TBC1D31: variants seen among roughly 807,000 people sequenced by gnomAD.
The protein encoded by TBC1D31 is WD repeat domain 67.
Under a neutral mutation model 132.9 loss-of-function variants are expected in TBC1D31, and 99 were observed. The observed-to-expected ratio is 0.74, with a 90% CI of 0.63 to 0.88. The LOEUF (loss-of-function observed/expected upper bound fraction) is 0.88. Ranked by LOEUF, TBC1D31 falls within the 40% of genes least tolerant of loss-of-function variation. TBC1D31 has a pLI of 0.00. For missense variants in TBC1D31, 1,134 were observed against 1,256.6 expected (o/e 0.90, Z 1.48); for synonymous variants, 385 against 419.4 (o/e 0.92, Z 1.00).
chr8:123,096,677 T>G (rs1286648146), intron 5 of TBC1D31, among the ~76,000 whole-genome samples: 2 of 152,258 alleles, frequency 1.3e-5, no homozygotes, highest in African/African-American at 4.8e-5. Context: ...CATACCTGGC[T>G]TATAGCAGAC....
intron 17 of TBC1D31, among the ~76,000 whole-genome samples, chr8:123,139,723 T>C (rs1387548780): frequency 1.3e-5 from 2 of 151,248 alleles, no homozygotes. Flanking sequence ...TCCAGGAACC[T>C]ATCAGCTTTT....
At chr8:123,129,853 G>A (rs1342652142) in intron 15 of TBC1D31, among the ~76,000 whole-genome samples, 1 of 152,168 alleles carries the variant, frequency 6.6e-6, no homozygotes. Context: ...AAGGTAAAAT[G>A]TGTAAATTAA....
At chr8:123,082,578 T>C (rs1815280654) in intron 2 of TBC1D31, 124 bp from the exon 3 acceptor site, 1 of 641,488 alleles carries the variant, frequency 1.6e-6, no homozygotes, top group African/African-American at 1.8e-5. Flanking sequence ...CATAATCTAT[T>C]TTTGGCCTAA....
chr8:123,113,940 G>T (rs559576943), intron 10 of TBC1D31, among the ~76,000 whole-genome samples: 185 of 152,246 alleles, frequency 1.2e-3, no homozygotes, highest in Non-Finnish European at 2.3e-3. Flanking sequence ...ATGGATCAAT[G>T]AATGAGTCTT....
intron 1 of TBC1D31, 107 bp downstream of exon 1, chr8:123,072,953 C>T: frequency 1.7e-6 from 2 of 1,157,554 alleles, no homozygotes; most frequent in Non-Finnish European, 2.5e-6. Context: ...GACCTTGCCC[C>T]GCATCCCTGG....
At chr8:123,127,395 C>T (rs1410588293) in intron 13 of TBC1D31, among the ~76,000 whole-genome samples, 3 of 150,380 alleles carry the variant, frequency 2.0e-5, no homozygotes, top group Admixed American at 6.6e-5. Flanking sequence ...CTCAGCCTCC[C>T]GAGTAGCTGG....
intron 4 of TBC1D31, among the ~76,000 whole-genome samples, chr8:123,086,932 G>A (rs1004674192): frequency 6.6e-5 from 10 of 152,124 alleles, no homozygotes; most frequent in African/African-American, 1.9e-4. Context: ...TAGCCAGGCC[G>A]GTCTCAAACT....
chr8:123,135,477 T>C (rs924830082), intron 17 of TBC1D31, among the ~76,000 whole-genome samples: 1 of 152,142 alleles, frequency 6.6e-6, no homozygotes, highest in African/African-American at 2.4e-5. Context: ...AGTGCGCACC[T>C]GTGGTGCCAG....
chr8:123,095,932 T>TCGAA (rs2130247144), intron 5 of TBC1D31, among the ~76,000 whole-genome samples: 1 of 152,220 alleles, frequency 6.6e-6, no homozygotes, highest in Admixed American at 6.5e-5. Context: ...CTCACGCTGT[T>TCGAA]CTTCTAAGTC....
downstream of TBC1D31, among the ~76,000 whole-genome samples, chr8:123,156,519 TGGTTATAG>T (rs1822993696): frequency 1.3e-5 from 2 of 151,842 alleles, no homozygotes; most frequent in African/African-American, 2.4e-5. Context: ...GATGAAGGGC[TGGTTATAG>T]CTATTCCATC....
chr8:123,145,492 T>C (rs912014024), intron 20 of TBC1D31, among the ~76,000 whole-genome samples: 1 of 152,216 alleles, frequency 6.6e-6, no homozygotes, highest in African/African-American at 2.4e-5. Context: ...AAACTTCTCA[T>C]AGGATTTGAT....
chr8:123,128,562 AAAC>A, intron 14 of TBC1D31, 49 bp downstream of exon 14: 1 of 1,248,858 alleles, frequency 8.0e-7, no homozygotes, highest in South Asian at 1.3e-5. Flanking sequence ...AATATGTTAT[AAAC>A]ATAAGAAAGT....
chr8:123,159,944 A>G, the TBC1D31 span, among the ~76,000 whole-genome samples: 2 of 152,264 alleles, frequency 1.3e-5, no homozygotes, highest in Non-Finnish European at 2.9e-5. Context: ...AAAGATAATA[A>G]GAGTCTCCAT....
rs529462912 is a variant in TBC1D31, at chr8:123,072,714, G to T, written c.-56G>T. 6.5e-7 allele frequency: 1 copy of T among 1,532,060 alleles called. No homozygotes were observed. The highest frequency in any genetic ancestry group is 1.4e-5 in the African/African-American group (1 of 72,586). 94.9% of individuals were successfully genotyped at this position (1,532,060 alleles called of 1,614,324 possible). On this transcript the variant is annotated 5_prime_UTR_variant, in exon 1 of 22. Transcript: ENST00000287380. ...GGGCCGGGAGCGCTGGGCCTGCCGGGAAGGCGCTGGGACGGTTACCCAGCG... is the reference window on the plus strand; with the variant it reads ...GGGCCGGGAGCGCTGGGCCTGCCGGTAAGGCGCTGGGACGGTTACCCAGCG...
intron 8 of TBC1D31, among the ~76,000 whole-genome samples, chr8:123,106,954 C>A (rs1052328823): frequency 2.0e-5 from 3 of 152,144 alleles, no homozygotes; most frequent in Non-Finnish European, 4.4e-5. Context: ...TTGATTCCTC[C>A]ATCAATGAAT....
At chr8:123,082,581 T>G (rs564730874) in intron 2 of TBC1D31, 121 bp from the exon 3 acceptor site, 352 of 644,646 alleles carry the variant, frequency 5.5e-4, no homozygotes, top group Non-Finnish European at 7.6e-4. Context: ...AATCTATTTT[T>G]GGCCTAAAAT....
chr8:123,106,150 A>G (rs1330286704), intron 8 of TBC1D31, among the ~76,000 whole-genome samples: 3 of 152,292 alleles, frequency 2.0e-5, no homozygotes, highest in African/African-American at 4.8e-5. Context: ...TTTACTTTCC[A>G]TGGTTTTGTT....
At chr8:123,083,045 C>G in intron 3 of TBC1D31, 1 of 476,572 alleles carries the variant, frequency 2.1e-6, no homozygotes, top group Non-Finnish European at 3.7e-6. Flanking sequence ...TAGAACAACT[C>G]ACAGAACTCA....
intron 20 of TBC1D31, among the ~76,000 whole-genome samples, chr8:123,145,798 GC>G (rs1456904742): frequency 1.3e-5 from 2 of 150,478 alleles, no homozygotes; most frequent in Admixed American, 1.3e-4. Flanking sequence ...TGTATACATT[GC>G]TTTTTAAAAT....
Sources: gnomAD v4.1 joint callset for allele counts (sites outside exome capture counted in the v4.1 genomes callset) on GRCh38, gnomAD v4.1.1 for gene constraint, MANE v1.5 for transcripts, NCBI Gene and HGNC (gene_info 2026-07-23, HGNC 2026-07-21) for gene names.